The following KRAS variants were observed in gnomAD, a reference collection of about 807,000 sequenced individuals.
KRAS encodes GTPase KRas.
A neutral mutation model predicts 21.0 loss-of-function variants in KRAS; 1 was observed. That is an observed-to-expected ratio of 0.05 (90% CI 0.02 to 0.23). The LOEUF (loss-of-function observed/expected upper bound fraction) is 0.23, where lower values mean the gene tolerates loss of function less well. Among genes scored for constraint, KRAS ranks in the 10% least tolerant of loss-of-function variants. The pLI, the probability that KRAS is intolerant of heterozygous loss-of-function variation, is 1.00. For synonymous variants in KRAS, 67 were observed against 72.5 expected (o/e 0.92, Z 0.39); for missense variants, 107 against 221.8 (o/e 0.48, Z 3.29).
intron 1 of KRAS, among the ~76,000 whole-genome samples, chr12:25,246,616 C>T (rs1252819463): frequency 1.3e-5 from 2 of 151,860 alleles, no homozygotes; most frequent in Non-Finnish European, 2.9e-5. Context: ...AAGAAAACAG[C>T]TGTTAAGAGA....
intron 4 of KRAS, among the ~76,000 whole-genome samples, chr12:25,221,024 CAAAAAAAAAAAAA>C (rs67015511): frequency 1.0e-3 from 86 of 84,800 alleles, no homozygotes; most frequent in African/African-American, 3.9e-3. Context: ...GACTCTGCCT[CAAAAAAAAAAAAA>C]AAAAAAAAAA....
chr12:25,216,739 T>C (rs1951259960), intron 4 of KRAS, among the ~76,000 whole-genome samples: 1 of 152,236 alleles, frequency 6.6e-6, no homozygotes, highest in South Asian at 2.1e-4. Context: ...TAAAAGTTTT[T>C]AATATTTTCC....
At position 25,206,398 on chromosome 12, in the gene KRAS, A is replaced by G. The variant is rs1951139020; in HGVS notation, c.*3397T>C. On this transcript the variant is annotated 3_prime_UTR_variant, in exon 5 of 5. Transcript: ENST00000311936. ...CTATGTAATTTAGCTTTTTTTAAAA[A>G]AACTTCAACAAGGATTTTTGTCTTT... 1 of 202,924 alleles carries G rather than the reference A, an allele frequency of 4.9e-6. No homozygotes were observed. The highest frequency in any genetic ancestry group is 2.3e-5 in the African/African-American group (1 of 43,792). The allele number at this position is 202,924 out of a possible 1,614,324, so 12.6% of individuals were successfully genotyped here.
rs1951762188 is a variant in KRAS, at chr12:25,250,882, G to C, written c.-143C>G. 4.0e-6 allele frequency: 1 copy of C among 247,176 alleles called. No individual in the cohort carries two copies. The highest frequency in any genetic ancestry group is 7.6e-6 in the Non-Finnish European group (1 of 130,880). The allele number at this position is 247,176 out of a possible 1,614,324, so 15.3% of individuals were successfully genotyped here. A position where few individuals can be genotyped will look rare whatever the true frequency, so the allele number is the denominator to read the frequency against. On this transcript the variant is annotated 5_prime_UTR_variant, in exon 1 of 5. Coordinates refer to ENST00000311936, the MANE Select transcript of KRAS (RefSeq NM_004985.5). ...CCGAGCCGCCGCCACCTTCGCCGCC[G>C]CCACTGCCGCCGCCGCTGCTGCCTC...
At chr12:25,241,110 A>T (rs1288565348) in intron 2 of KRAS, among the ~76,000 whole-genome samples, 2 of 152,170 alleles carry the variant, frequency 1.3e-5, no homozygotes, top group African/African-American at 4.8e-5. Context: ...TTAACAACTG[A>T]ACCACCCTAT....
chr12:25,229,480 TA>T (rs1951437658), intron 2 of KRAS, among the ~76,000 whole-genome samples: 1 of 152,184 alleles, frequency 6.6e-6, no homozygotes, highest in South Asian at 2.1e-4. Context: ...TTTTCTTTTC[TA>T]AAAAGAGAGA....
intron 4 of KRAS, among the ~76,000 whole-genome samples, chr12:25,216,173 C>T (rs925574835): frequency 2.0e-5 from 3 of 152,140 alleles, no homozygotes; most frequent in Admixed American, 6.5e-5. Context: ...TGTTTAATTA[C>T]ATTATTAAAA....
rs1397189549 is a variant in KRAS at position 25,210,045 on chromosome 12, A to G, written c.451-134T>C. 5 of 598,748 alleles carry G rather than the reference A, an allele frequency of 8.4e-6. No homozygotes were observed. In the Admixed American group the frequency reaches 1.6e-4, roughly 19 times the overall value. 37.1% of individuals were successfully genotyped at this position (598,748 alleles called of 1,614,324 possible). On this transcript the variant is annotated intron_variant, in intron 4 of 4. Coordinates refer to ENST00000311936, the MANE Select transcript of KRAS (RefSeq NM_004985.5). ...CTCTTCAGGCAACTGAATATATATT[A>G]CATATATTAGGACTTTTAGAATTCT... is the stretch of plus-strand genomic sequence containing the variant.
intron 4 of KRAS, among the ~76,000 whole-genome samples, chr12:25,212,676 CACACAT>C (rs750750709): frequency 4.6e-5 from 7 of 152,176 alleles, no homozygotes; most frequent in Non-Finnish European, 7.3e-5. Flanking sequence ...TAATCATTCT[CACACAT>C]ACACATAACA....
At chr12:25,230,803 T>C (rs1467579562) in intron 2 of KRAS, among the ~76,000 whole-genome samples, 2 of 152,044 alleles carry the variant, frequency 1.3e-5, no homozygotes, top group Non-Finnish European at 2.9e-5. Flanking sequence ...AAAAATTAAT[T>C]ATCTCACCAG....
At chr12:25,230,237 G>C (rs543354139) in intron 2 of KRAS, among the ~76,000 whole-genome samples, 1 of 152,248 alleles carries the variant, frequency 6.6e-6, no homozygotes, top group Admixed American at 6.5e-5. Context: ...AATAATATGT[G>C]TTTATGTATT....
Position 25,207,666 on chromosome 12 carries a change from C to A in KRAS, c.*2129G>T, listed in dbSNP as rs891517173. 8.6e-6 allele frequency: 2 copies of A among 232,124 alleles called. No individual in the cohort carries two copies. Among genetic ancestry groups the A allele is most frequent in the Non-Finnish European group, 8.5e-6 (1 of 117,470 alleles). 14.4% of individuals were successfully genotyped at this position (232,124 alleles called of 1,614,324 possible). ...CTTTCAGCACTATCTTTATTAAATT[C>A]TCCTTCCACTGGATAGGGTTCTGTC... is the stretch of plus-strand genomic sequence containing the variant. On this transcript the variant is annotated 3_prime_UTR_variant, in exon 5 of 5. Transcript: ENST00000311936.
rs61759635 is a variant in KRAS at position 25,245,153 on chromosome 12, ATAACT to A, written c.111+116_111+120del. 4.0e-3 allele frequency: 4,386 copies of A among 1,094,308 alleles called. 124 individuals carry two copies. In the African/African-American group the frequency reaches 0.06, roughly 15 times the overall value. The allele number at this position is 1,094,308 out of a possible 1,614,324, so 67.8% of individuals were successfully genotyped here. On this transcript the variant is annotated intron_variant, in intron 2 of 4. Transcript: ENST00000311936. ...ACTTGAAACCCAAGGTACATTTCAG[ATAACT>A]TAACTTTCAGCATAATTATCTTGTA...
At chr12:25,229,390 T>C (rs1046329462) in intron 2 of KRAS, among the ~76,000 whole-genome samples, 1 of 152,158 alleles carries the variant, frequency 6.6e-6, no homozygotes, top group Non-Finnish European at 1.5e-5. Context: ...TTCTGAAAAC[T>C]GTGGAAAAAT....
At chr12:25,223,261 T>C (rs1442379608) in intron 4 of KRAS, among the ~76,000 whole-genome samples, 1 of 152,158 alleles carries the variant, frequency 6.6e-6, no homozygotes, top group African/African-American at 2.4e-5. Context: ...GGTAGTATAT[T>C]TGCAAATGTT....
At chr12:25,231,970 T>C (rs1592812580) in intron 2 of KRAS, among the ~76,000 whole-genome samples, 1 of 151,498 alleles carries the variant, frequency 6.6e-6, no homozygotes, top group South Asian at 2.1e-4. Context: ...GAAACAGTCA[T>C]CCCTGGTATA....
chr12:25,242,208 T>C (rs968467629), intron 2 of KRAS, among the ~76,000 whole-genome samples: 8 of 152,306 alleles, frequency 5.3e-5, no homozygotes, highest in African/African-American at 1.9e-4. Context: ...AATAAAAGCA[T>C]GCTGATGTCA....
At chr12:25,248,185 G>A (rs911765366) in intron 1 of KRAS, among the ~76,000 whole-genome samples, 1 of 152,010 alleles carries the variant, frequency 6.6e-6, no homozygotes, top group African/African-American at 2.4e-5. Context: ...TAAGAGTGTA[G>A]GCCGGGTGTG....
chr12:25,223,204 TAA>T (rs1290840486), intron 4 of KRAS, among the ~76,000 whole-genome samples: 4 of 152,208 alleles, frequency 2.6e-5, no homozygotes, highest in Non-Finnish European at 5.9e-5. Context: ...AAGCATCTTT[TAA>T]AAGTTGTAAG....
Sources: allele counts gnomAD v4.1 joint callset (sites outside exome capture counted in the v4.1 genomes callset), GRCh38; gene constraint gnomAD v4.1.1; transcripts MANE v1.5; gene names NCBI Gene and HGNC (gene_info 2026-07-23, HGNC 2026-07-21).